ST7: variants seen among roughly 807,000 people sequenced by gnomAD.
ST7 encodes suppressor of tumorigenicity 7 protein.
ST7 carries 28 observed loss-of-function variants against 78.7 expected under a neutral mutation model. The observed-to-expected ratio is 0.36, with a 90% confidence interval of 0.26 to 0.49. The LOEUF is 0.49. Among genes scored for constraint, ST7 ranks in the 20% least tolerant of loss-of-function variants. ST7 has a pLI of 0.99. For synonymous variants in ST7, 247 were observed against 249.6 expected, an observed-to-expected ratio of 0.99 and a Z score of 0.10; for missense variants, 418 against 696.0, an observed-to-expected ratio of 0.60 and a Z score of 4.49.
chr7:117,062,663 C>T (rs1798419826), intron 1 of ST7, among the ~76,000 whole-genome samples: 1 of 152,020 alleles, frequency 6.6e-6, no homozygotes, highest in African/African-American at 2.4e-5. Context: ...TATGAGGTCT[C>T]CTTAAAAGAT....
chr7:117,219,229 T>G lies in ST7; in HGVS notation c.1498+53T>G, dbSNP rs2116149664. The G allele has an allele frequency of 1.4e-6, 2 of 1,428,210 alleles. No homozygotes were observed. Among genetic ancestry groups the G allele is most frequent in the East Asian group, 2.3e-5 (1 of 43,368 alleles). 88.5% of individuals were successfully genotyped at this position (1,428,210 alleles called of 1,614,324 possible). ...AGGGTGTGTGGTGAAAGGTGGGGAT[T>G]GGAAGAGGTGGGAATATCAAAGTTT... On this transcript the variant is annotated intron_variant, in intron 14 of 15. Transcript: ENST00000323984. The surrounding 1 kb of genome is among the most constrained non-coding windows in gnomAD (Gnocchi z 5.1).
intron 1 of ST7, among the ~76,000 whole-genome samples, chr7:117,086,429 G>A (rs1482791878): frequency 3.9e-5 from 6 of 152,108 alleles, no homozygotes; most frequent in South Asian, 4.1e-4. Flanking sequence ...GGATCTAGGC[G>A]TTAGACAATT....
intron 12 of ST7, among the ~76,000 whole-genome samples, chr7:117,200,424 C>G (rs1396765356): frequency 6.6e-6 from 1 of 152,158 alleles, no homozygotes; most frequent in Non-Finnish European, 1.5e-5. Flanking sequence ...AGTACCCGTT[C>G]CTTAGCATGT....
chr7:117,123,642 T>G (rs1265400187), intron 3 of ST7, among the ~76,000 whole-genome samples: 1 of 152,196 alleles, frequency 6.6e-6, no homozygotes, highest in Non-Finnish European at 1.5e-5. Flanking sequence ...CATCACCATG[T>G]TTCTCACTAC....
At chr7:117,091,867 C>G (rs1242522014) in intron 1 of ST7, among the ~76,000 whole-genome samples, 1 of 152,166 alleles carries the variant, frequency 6.6e-6, no homozygotes, top group Non-Finnish European at 1.5e-5. Flanking sequence ...GTTGACCAGG[C>G]TGCTATCTCA....
intron 1 of ST7, chr7:116,972,048 G>T: frequency 2.1e-6 from 1 of 469,652 alleles, no homozygotes. Flanking sequence ...AGGCAAAAGC[G>T]GAAAGCAGCC....
chr7:116,953,817 C>G (rs1476812857), intron 1 of ST7, 126 bp downstream of exon 1: 1 of 565,504 alleles, frequency 1.8e-6, no homozygotes, highest in Non-Finnish European at 2.3e-6. Flanking sequence ...ACCGGAGGCC[C>G]GCGGCTACCC....
intron 1 of ST7, among the ~76,000 whole-genome samples, chr7:117,088,276 T>C (rs1475486589): frequency 2.0e-5 from 3 of 152,220 alleles, no homozygotes; most frequent in African/African-American, 4.8e-5. Context: ...ATATTCTGTG[T>C]TATTTGTGTA....
At chr7:117,214,146 C>T (rs1007402356) in intron 13 of ST7, among the ~76,000 whole-genome samples, 2 of 152,150 alleles carry the variant, frequency 1.3e-5, no homozygotes, top group African/African-American at 4.8e-5. Context: ...AGCAGGGTCG[C>T]CTGCCGACCA....
intron 1 of ST7, among the ~76,000 whole-genome samples, chr7:116,989,654 C>T (rs2116374978): frequency 6.6e-6 from 1 of 151,584 alleles, no homozygotes; most frequent in East Asian, 1.9e-4. Context: ...GCATGGGCAA[C>T]ATAGTGAGAC....
chr7:117,171,652 A>G (rs1020200494), intron 10 of ST7, among the ~76,000 whole-genome samples: 1 of 151,440 alleles, frequency 6.6e-6, no homozygotes, highest in Non-Finnish European at 1.5e-5. Flanking sequence ...TCATATTGTC[A>G]TTATCCATGA....
intron 13 of ST7, among the ~76,000 whole-genome samples, chr7:117,212,457 A>G (rs377431805): frequency 6.6e-6 from 1 of 152,230 alleles, no homozygotes; most frequent in African/African-American, 2.4e-5. Context: ...ATTGAAATTT[A>G]CATCACTACT....
rs768667581 is a variant in ST7 at position 117,230,149 on chromosome 7, C to T, written c.*292C>T. The T allele has an allele frequency of 9.8e-6, 5 of 510,012 alleles. No individual in the cohort carries two copies. Among genetic ancestry groups the T allele is most frequent in the South Asian group, 9.8e-5 (5 of 51,038 alleles). The allele number at this position is 510,012 out of a possible 1,614,324, so 31.6% of individuals were successfully genotyped here. ...CTTCCAACCCTAAAATTGTTGATGT[C>T]CCAAATAAACCTTTGGATTTACCTT... On this transcript the variant is annotated 3_prime_UTR_variant, in exon 16 of 16. Coordinates refer to ENST00000323984, the MANE Select transcript of ST7 (RefSeq NM_001369598.1).
At chr7:117,170,072 T>C (rs1258973008) in intron 9 of ST7, among the ~76,000 whole-genome samples, 1 of 152,204 alleles carries the variant, frequency 6.6e-6, no homozygotes, top group Admixed American at 6.5e-5. Flanking sequence ...ACTAGGCTGC[T>C]TGAAAGGGTA....
Position 117,149,222 on chromosome 7 carries a change from G to A in ST7, c.963+10690G>A, listed in dbSNP as rs116109521. Among the ~76,000 whole-genome samples the A allele has an allele frequency of 6.8e-3, 1,042 of 152,168 alleles. 11 individuals are homozygous for A. Among genetic ancestry groups the A allele is most frequent in the African/African-American group, 0.022 (910 of 41,502 alleles). ...CCTGCTTTCTGGGACCTCCCACTGAGCCATTTAAATACAAGCTTAGGCTCT... is the reference window on the plus strand; with the variant it reads ...CCTGCTTTCTGGGACCTCCCACTGAACCATTTAAATACAAGCTTAGGCTCT... On this transcript the variant is annotated intron_variant, in intron 9 of 15. Transcript: ENST00000323984.
At chr7:117,001,138 T>C (rs1181959730) in intron 1 of ST7, among the ~76,000 whole-genome samples, 1 of 152,184 alleles carries the variant, frequency 6.6e-6, no homozygotes, top group Admixed American at 6.5e-5. Context: ...CAAAAATCCA[T>C]GTAGATGATT....
intron 1 of ST7, among the ~76,000 whole-genome samples, chr7:117,024,117 T>G (rs1398006146): frequency 1.3e-5 from 2 of 152,154 alleles, no homozygotes; most frequent in African/African-American, 2.4e-5. Context: ...CCTGGCTGAT[T>G]TAATGATATA....
At chr7:117,064,877 C>T (rs1029682927) in intron 1 of ST7, among the ~76,000 whole-genome samples, 2 of 152,112 alleles carry the variant, frequency 1.3e-5, no homozygotes, top group African/African-American at 4.8e-5. Context: ...CTCTACAGGC[C>T]ATCGTATATT....
chr7:117,077,389 T>C (rs1799429102), intron 1 of ST7, among the ~76,000 whole-genome samples: 1 of 152,252 alleles, frequency 6.6e-6, no homozygotes, highest in Non-Finnish European at 1.5e-5. Context: ...ATCTGCCTCC[T>C]GTCCCCATCA....
Sources: allele counts gnomAD v4.1 joint callset (sites outside exome capture counted in the v4.1 genomes callset), GRCh38; gene constraint gnomAD v4.1.1; non-coding constraint Gnocchi (gnomAD v3.1); transcripts MANE v1.5; gene names NCBI Gene and HGNC (gene_info 2026-07-23, HGNC 2026-07-21).